The following ABTB3 variants were observed in gnomAD, a reference collection of about 807,000 sequenced individuals.
ABTB3 encodes ankyrin repeat- and BTB/POZ domain-containing protein 3.
chr12:107,355,312 A>G, the ABTB3 span, among the ~76,000 whole-genome samples: 2 of 152,122 alleles, frequency 1.3e-5, no homozygotes, highest in South Asian at 2.1e-4. Flanking sequence ...CTGACATGCC[A>G]TTCTTGGGAA....
the ABTB3 span, among the ~76,000 whole-genome samples, chr12:107,572,315 T>G: frequency 6.6e-6 from 1 of 151,916 alleles, no homozygotes; most frequent in African/African-American, 2.4e-5. Context: ...GGGGAGGGCC[T>G]GCAAACACCT....
the ABTB3 span, among the ~76,000 whole-genome samples, chr12:107,473,883 C>G: frequency 6.6e-6 from 1 of 151,436 alleles, no homozygotes; most frequent in African/African-American, 2.4e-5. Flanking sequence ...CTCTCTGCAA[C>G]CTCCGTCTCC....
the ABTB3 span, among the ~76,000 whole-genome samples, chr12:107,634,670 A>G: frequency 6.6e-6 from 1 of 152,176 alleles, no homozygotes; most frequent in African/African-American, 2.4e-5. Context: ...GGTCAAGGAC[A>G]AGCAGGCGCG....
chr12:107,497,561 C>T, the ABTB3 span, among the ~76,000 whole-genome samples: 2 of 151,982 alleles, frequency 1.3e-5, no homozygotes, highest in Non-Finnish European at 2.9e-5. Flanking sequence ...ATCGTCACCA[C>T]CATCATCATC....
chr12:107,526,249 C>T, the ABTB3 span, among the ~76,000 whole-genome samples: 3 of 152,270 alleles, frequency 2.0e-5, no homozygotes, highest in East Asian at 5.8e-4. Flanking sequence ...AAATATTTCA[C>T]GGGTAAGCTA....
the ABTB3 span, chr12:107,544,105 G>T: frequency 6.2e-7 from 1 of 1,614,080 alleles, no homozygotes; most frequent in Non-Finnish European, 8.5e-7. Context: ...AAACCCCAAC[G>T]TGGAGCCTTC....
At chr12:107,353,589 A>G in the ABTB3 span, among the ~76,000 whole-genome samples, 1 of 152,202 alleles carries the variant, frequency 6.6e-6, no homozygotes, top group Non-Finnish European at 1.5e-5. Flanking sequence ...TTTGAGGCAT[A>G]TAAAGTGCTT....
At chr12:107,338,655 G>T in the ABTB3 span, among the ~76,000 whole-genome samples, 14 of 152,086 alleles carry the variant, frequency 9.2e-5, no homozygotes, top group Admixed American at 9.2e-4. Flanking sequence ...TATGTTGGGG[G>T]ACATAATCCC....
chr12:107,502,383 T>C, the ABTB3 span, among the ~76,000 whole-genome samples: 1 of 152,044 alleles, frequency 6.6e-6, no homozygotes, highest in African/African-American at 2.4e-5. Context: ...ATTGGTACTT[T>C]TTAAAACTCC....
chr12:107,482,233 T>C, the ABTB3 span, among the ~76,000 whole-genome samples: 3 of 152,138 alleles, frequency 2.0e-5, no homozygotes, highest in Non-Finnish European at 4.4e-5. Flanking sequence ...ATCTAGCCTG[T>C]TCCTCCAGCT....
At chr12:107,491,340 G>A in the ABTB3 span, among the ~76,000 whole-genome samples, 2 of 152,166 alleles carry the variant, frequency 1.3e-5, no homozygotes, top group African/African-American at 4.8e-5. Flanking sequence ...CCAGAAGTGT[G>A]TCATTTCCTT....
At chr12:107,640,116 C>T in the ABTB3 span, among the ~76,000 whole-genome samples, 1 of 152,198 alleles carries the variant, frequency 6.6e-6, no homozygotes, top group Non-Finnish European at 1.5e-5. Context: ...ATAAGGATTT[C>T]CTATGAAAAA....
chr12:107,573,464 CGATGGATGGATG>C, the ABTB3 span, among the ~76,000 whole-genome samples: 17 of 139,616 alleles, frequency 1.2e-4, no homozygotes, highest in East Asian at 2.0e-4. Flanking sequence ...GTGGATGAAT[CGATGGATGGATG>C]GATGGATGGA....
chr12:107,564,090 CTGTGTGTGTGTGTGTGTGTG>C, the ABTB3 span, among the ~76,000 whole-genome samples: 9 of 126,440 alleles, frequency 7.1e-5, no homozygotes, highest in Admixed American at 1.6e-4. Context: ...ATCTATCTCT[CTGTGTGTGTGTGTGTGTGTG>C]TGTGTGTGTG....
chr12:107,552,366 C>A, the ABTB3 span, among the ~76,000 whole-genome samples: 1 of 152,166 alleles, frequency 6.6e-6, no homozygotes, highest in Non-Finnish European at 1.5e-5. Context: ...TAAAATGTGA[C>A]AAGTCCAAAA....
At chr12:107,624,871 A>C in the ABTB3 span, among the ~76,000 whole-genome samples, 1 of 152,136 alleles carries the variant, frequency 6.6e-6, no homozygotes, top group African/African-American at 2.4e-5. Flanking sequence ...GCTTGGTTGT[A>C]TGGTAGTTGC....
At chr12:107,639,972 T>A in the ABTB3 span, among the ~76,000 whole-genome samples, 2 of 152,168 alleles carry the variant, frequency 1.3e-5, no homozygotes, top group Non-Finnish European at 2.9e-5. Context: ...CCACTTCCAT[T>A]GGGCAGGGAG....
chr12:107,342,612 A>G, the ABTB3 span, among the ~76,000 whole-genome samples: 1 of 152,128 alleles, frequency 6.6e-6, no homozygotes, highest in Admixed American at 6.5e-5. Flanking sequence ...TATTGACTGC[A>G]GGGTCAAGTC....
At chr12:107,335,847 A>G in the ABTB3 span, among the ~76,000 whole-genome samples, 18 of 151,830 alleles carry the variant, frequency 1.2e-4, no homozygotes, top group African/African-American at 4.4e-4. Flanking sequence ...CCAGGACCCA[A>G]CAGGGATGGA....
Sources: allele counts gnomAD v4.1 joint callset (sites outside exome capture counted in the v4.1 genomes callset), GRCh38; gene constraint gnomAD v4.1.1; transcripts MANE v1.5; gene names NCBI Gene and HGNC (gene_info 2026-07-23, HGNC 2026-07-21).